The following PLCB1 variants were observed in gnomAD, a reference collection of about 807,000 sequenced individuals.
PLCB1 encodes phospholipase C beta 1, also known as 1-phosphatidylinositol 4,5-bisphosphate phosphodiesterase beta-1.
Under a neutral mutation model 161.8 loss-of-function variants are expected in PLCB1, and 46 were observed. The observed-to-expected ratio is 0.28, with a 90% CI of 0.22 to 0.36. The LOEUF (loss-of-function observed/expected upper bound fraction) is 0.36. Among genes scored for constraint, PLCB1 ranks in the 10% least tolerant of loss-of-function variants. The pLI is 1.00. For synonymous variants in PLCB1, 517 were observed against 503.7 expected (o/e 1.03, Z -0.35); for missense variants, 1,016 against 1,472.5 (o/e 0.69, Z 5.07).
intron 3 of PLCB1, among the ~76,000 whole-genome samples, chr20:8,374,096 C>A (rs1188606951): frequency 6.6e-6 from 1 of 151,860 alleles, no homozygotes; most frequent in African/African-American, 2.4e-5. Flanking sequence ...TGGCTGTGTC[C>A]CCACCCAAAA....
intron 3 of PLCB1, among the ~76,000 whole-genome samples, chr20:8,401,551 A>G (rs1032570993): frequency 6.6e-6 from 1 of 152,220 alleles, no homozygotes; most frequent in African/African-American, 2.4e-5. Context: ...AGTCCATGAT[A>G]ACAAACAACT....
chr20:8,715,930 A>T (rs1979282605), intron 12 of PLCB1: 1 of 248,686 alleles, frequency 4.0e-6, no homozygotes, highest in Admixed American at 5.0e-5. Flanking sequence ...CTTGCAATTG[A>T]CTTGGAATCA....
chr20:8,798,591 CACA>C (rs1234023256), intron 31 of PLCB1, among the ~76,000 whole-genome samples: 4 of 151,924 alleles, frequency 2.6e-5, no homozygotes, highest in Admixed American at 6.6e-5. Context: ...CACACACACA[CACA>C]CCCCTGGCCC....
intron 3 of PLCB1, among the ~76,000 whole-genome samples, chr20:8,478,369 C>T (rs1378364443): frequency 6.7e-6 from 1 of 150,346 alleles, no homozygotes; most frequent in East Asian, 1.9e-4. Flanking sequence ...ACAGACTGAG[C>T]AGAAAAAAAA....
intron 1 of PLCB1, among the ~76,000 whole-genome samples, chr20:8,135,484 A>T (rs2051335924): frequency 6.6e-6 from 1 of 152,192 alleles, no homozygotes; most frequent in African/African-American, 2.4e-5. Context: ...GGTAGTCGAA[A>T]GCTTTAACAT....
intron 24 of PLCB1, among the ~76,000 whole-genome samples, 171 bp from the exon 25 acceptor site, chr20:8,760,236 G>C (rs901379632): frequency 7.2e-5 from 11 of 152,142 alleles, no homozygotes; most frequent in Non-Finnish European, 1.3e-4. Context: ...TTGTCTCAAA[G>C]CTGCAAATGA....
At chr20:8,812,708 C>A (rs1037947066) in intron 31 of PLCB1, among the ~76,000 whole-genome samples, 2 of 152,148 alleles carry the variant, frequency 1.3e-5, no homozygotes, top group Non-Finnish European at 2.9e-5. Context: ...AATAGATTTA[C>A]CCACCATTTG....
chr20:8,508,061 T>A (rs1983713881), intron 3 of PLCB1, among the ~76,000 whole-genome samples: 1 of 152,092 alleles, frequency 6.6e-6, no homozygotes, highest in Non-Finnish European at 1.5e-5. Flanking sequence ...TTTTATGACT[T>A]GCAACAAGTC....
intron 3 of PLCB1, among the ~76,000 whole-genome samples, chr20:8,567,586 A>G (rs1008223701): frequency 1.2e-3 from 179 of 152,226 alleles, no homozygotes; most frequent in African/African-American, 4.2e-3. Flanking sequence ...TATAAAACCA[A>G]TGTCACTGGC....
At chr20:8,820,355 C>T (rs761522765) in intron 31 of PLCB1, among the ~76,000 whole-genome samples, 2 of 151,832 alleles carry the variant, frequency 1.3e-5, no homozygotes, top group Middle Eastern at 3.4e-3. Context: ...TATGGAAAAA[C>T]ACAAACGATT....
chr20:8,204,469 T>A (rs1337724818), intron 2 of PLCB1, among the ~76,000 whole-genome samples: 1 of 152,044 alleles, frequency 6.6e-6, no homozygotes, highest in African/African-American at 2.4e-5. Flanking sequence ...AATCTCGGGT[T>A]GAATTGTAAT....
At chr20:8,143,470 TTGA>T (rs1347965862) in intron 1 of PLCB1, among the ~76,000 whole-genome samples, 30 of 152,336 alleles carry the variant, frequency 2.0e-4, no homozygotes, top group African/African-American at 7.0e-4. Context: ...GTGTTGTGGA[TTGA>T]TGATGATTAA....
chr20:8,171,179 A>G lies in PLCB1; in HGVS notation c.177+20808A>G, dbSNP rs2051729132. 2.0e-5 allele frequency among the ~76,000 whole-genome samples: 3 copies of G among 152,302 alleles called. No individual in the cohort carries two copies. The South Asian group carries it at 6.2e-4, about 32-fold the overall frequency. The stretch of plus-strand genomic sequence containing the variant: ...GGTGCAACATTTTATAAATAACAAG[A>G]AAGAGTATGCTACTTTCAACAATAT... On this transcript the variant is annotated intron_variant, in intron 2 of 31. Coordinates refer to ENST00000338037, the MANE Select transcript of PLCB1 (RefSeq NM_015192.4).
chr20:8,408,972 CAAAT>C (rs757756059), intron 3 of PLCB1, among the ~76,000 whole-genome samples: 5 of 152,124 alleles, frequency 3.3e-5, no homozygotes, highest in Non-Finnish European at 5.9e-5. Flanking sequence ...GATTTACTAT[CAAAT>C]AAATTTAATT....
intron 9 of PLCB1, among the ~76,000 whole-genome samples, chr20:8,668,957 A>G (rs563760791): frequency 2.6e-5 from 4 of 152,340 alleles, no homozygotes; most frequent in South Asian, 2.1e-4. Context: ...CTTTATTCTA[A>G]CATATACCTA....
In PLCB1 at chr20:8,654,377, T is replaced by C. The variant is rs1989397077; in HGVS notation, c.595-2807T>C. On this transcript the variant is annotated intron_variant, in intron 7 of 31. Transcript: ENST00000338037. ...GTTTTGTATTGGGTGCCTGATGTGA[T>C]GGACCACGTCCTGGATTAAAACAGA... is the stretch of plus-strand genomic sequence containing the variant. Among the ~76,000 whole-genome samples, 2 of 152,050 alleles carry C rather than the reference T, an allele frequency of 1.3e-5. 1 individual carries two copies. The highest frequency in any genetic ancestry group is 4.1e-4 in the South Asian group (2 of 4,836).
At chr20:8,698,936 G>A (rs1426913003) in intron 11 of PLCB1, among the ~76,000 whole-genome samples, 2 of 152,200 alleles carry the variant, frequency 1.3e-5, no homozygotes, top group East Asian at 1.9e-4. Context: ...ACATTCATGT[G>A]TATGGACACC....
chr20:8,310,423 G>A (rs1471086372), intron 2 of PLCB1, among the ~76,000 whole-genome samples: 1 of 152,102 alleles, frequency 6.6e-6, no homozygotes, highest in African/African-American at 2.4e-5. Flanking sequence ...TTTACCAAGA[G>A]TATATACTGT....
intron 31 of PLCB1, among the ~76,000 whole-genome samples, chr20:8,876,618 A>C (rs1303963650): frequency 6.6e-6 from 1 of 152,198 alleles, no homozygotes; most frequent in Non-Finnish European, 1.5e-5. Context: ...GCATTTGCTA[A>C]GTTGATGAGT....
Sources: allele counts gnomAD v4.1 joint callset (sites outside exome capture counted in the v4.1 genomes callset), GRCh38; gene constraint gnomAD v4.1.1; transcripts MANE v1.5; gene names NCBI Gene and HGNC (gene_info 2026-07-23, HGNC 2026-07-21).